MESP2: variants seen among roughly 807,000 people sequenced by gnomAD.
MESP2 encodes mesoderm posterior bHLH transcription factor 2.
MESP2 carries 34 observed loss-of-function variants against 37.8 expected under a neutral mutation model. That is an observed-to-expected ratio of 0.90 (90% confidence interval 0.68 to 1.20). The LOEUF (loss-of-function observed/expected upper bound fraction) is 1.20. Ranked by LOEUF, MESP2 falls within the 50% of genes most tolerant of loss-of-function variation. MESP2 has a pLI of 0.00. For synonymous variants in MESP2, 303 were observed against 251.6 expected, an observed-to-expected ratio of 1.20 and a Z score of -1.93; for missense variants, 646 against 545.3, an observed-to-expected ratio of 1.18 and a Z score of -1.84.
rs1482818795 is a variant in MESP2 at position 89,777,176 on chromosome 15, G to A, written c.819G>A (p.Thr273=). The A allele has an allele frequency of 6.2e-7, 1 of 1,612,824 alleles. No homozygotes were observed. The highest frequency in any genetic ancestry group is 1.7e-5 in the Admixed American group (1 of 59,990). The change falls in exon 1 of 2, where the codon ACG becomes ACA. Residue 273 remains threonine, a synonymous_variant. Coordinates refer to ENST00000341735, the MANE Select transcript of MESP2 (RefSeq NM_001039958.2). ...CAACCTCCGACGCGTCTCTTTGGAC[G>A]CCACCCCAAGGCTGTCCCTGGACGC... is the stretch of plus-strand genomic sequence containing the variant. The part of the protein sequence containing the change: ...QGTTSDASLW[T]PPQGCPWTQS...
rs1968400707 is a variant in MESP2 at position 89,778,576 on chromosome 15, G to A, written c.*242G>A. On this transcript the variant is annotated 3_prime_UTR_variant, in exon 2 of 2. Coordinates refer to ENST00000341735, the MANE Select transcript of MESP2 (RefSeq NM_001039958.2). ...AATGCCTGGCGCTCTGCAGAGCACA[G>A]TCTGAGCTGCTCTAAGAAGGGGTCT... is the stretch of plus-strand genomic sequence containing the variant. 1.7e-6 allele frequency: 1 copy of A among 576,220 alleles called. No individual in the cohort carries two copies. Among genetic ancestry groups the A allele is most frequent in the South Asian group, 2.0e-5 (1 of 49,750 alleles). 35.7% of individuals were successfully genotyped at this position (576,220 alleles called of 1,614,324 possible).
At position 89,777,068 on chromosome 15, in the gene MESP2, G is replaced by A. The variant is rs1160233332; in HGVS notation, c.711G>A (p.Gly237=). The A allele has an allele frequency of 6.2e-7, 1 of 1,610,772 alleles. No homozygotes were observed. The highest frequency in any genetic ancestry group is 8.5e-7 in the Non-Finnish European group (1 of 1,179,292). The change falls in exon 1 of 2, where the codon GGG becomes GGA. Residue 237 remains glycine, a synonymous_variant. Transcript: ENST00000341735. ...PGAQAAPERL[G]RGVHDTDPWA... is the part of the protein sequence containing the mutation. ...CCCAAGCCGCACCCGAGCGCCTGGG[G>A]AGGGGGGTCCACGACACGGATCCCT...
In MESP2 at chr15:89,777,004, C is replaced by G; in HGVS notation, c.647C>G (p.Ala216Gly). ...CCGGGCCTGGTCTCCGCCGTCCTCG[C>G]CGAGGCGTCCTGGGGATCCCCGTCC... ...RRPGLVSAVL[A>G]EASWGSPSAC... is the part of the protein sequence containing the mutation. The change falls in exon 1 of 2, where the codon GCC (alanine) becomes GGC (glycine). Residue 216 changes from alanine to glycine, a missense_variant. Transcript: ENST00000341735. 1 of 1,576,150 alleles carries G rather than the reference C, an allele frequency of 6.3e-7. No homozygotes were observed. Among genetic ancestry groups the G allele is most frequent in the African/African-American group, 1.4e-5 (1 of 73,782 alleles).
Position 89,778,326 on chromosome 15 carries a change from T to C in MESP2, c.1186T>C (p.Phe396Leu). The change falls in exon 2 of 2, where the codon TTC (phenylalanine) becomes CTC (leucine). Residue 396 changes from phenylalanine (F) to leucine (L), a missense_variant. Phe to Leu is a conservative substitution (Grantham distance 22). Transcript: ENST00000341735. ...EDLEGARLGI[F>L]Y ...TCTGGAGGGGGCCCGCCTGGGCATC[T>C]TCTACTAAATGGCCTCGGCTTCCCT... 6.2e-7 allele frequency: 1 copy of C among 1,613,148 alleles called. No individual in the cohort carries two copies.
Position 89,776,598 on chromosome 15 carries a change from G to A in MESP2, c.241G>A (p.Gly81Arg), listed in dbSNP as rs118204034. ...ACGAGCGCGCACCGGACCAGCGGGC[G>A]GACAGCGGCAGAGCGCCAGCGAGCG... ...PRRARTGPAGGQRQSASEREK... is the reference protein window; with the variant it reads ...PRRARTGPAGRQRQSASEREK... Residue 81 changes from glycine to arginine, a missense_variant, in exon 1 of 2, where the codon GGA becomes AGA. Physicochemically the swap from Gly to Arg is moderately radical, Grantham distance 125 (BLOSUM62 -2). Transcript: ENST00000341735. 5 of 1,524,400 alleles carry A rather than the reference G, an allele frequency of 3.3e-6. No individual in the cohort carries two copies. The highest frequency in any genetic ancestry group is 2.6e-5 in the East Asian group (1 of 38,920). The allele number at this position is 1,524,400 out of a possible 1,614,324, so 94.4% of individuals were successfully genotyped here.
At position 89,778,407 on chromosome 15, in the gene MESP2, T is replaced by A; in HGVS notation, c.*73T>A. On this transcript the variant is annotated 3_prime_UTR_variant, in exon 2 of 2. Coordinates refer to ENST00000341735, the MANE Select transcript of MESP2 (RefSeq NM_001039958.2). ...GGGTGCCTCCTTATTTGTTAATTAG[T>A]GGCTTTTCATGTTCTCCTTTAGCCA... The A allele has an allele frequency of 6.4e-7, 1 of 1,563,118 alleles. No individual in the cohort carries two copies. Among genetic ancestry groups the A allele is most frequent in the South Asian group, 1.1e-5 (1 of 88,694 alleles).
Position 89,776,586 on chromosome 15 carries a change from G to C in MESP2, c.229G>C (p.Gly77Arg). The change falls in exon 1 of 2, where the codon GGA becomes CGA. Residue 77 changes from glycine (G) to arginine (R), a missense_variant. By Grantham distance (125) the Gly-to-Arg change is moderately radical (BLOSUM62 -2). Transcript: ENST00000341735. ...AATTPRRART[G>R]PAGGQRQSAS... ...GACGACGCCCAGACGAGCGCGCACC[G>C]GACCAGCGGGCGGACAGCGGCAGAG... is the stretch of plus-strand genomic sequence containing the variant. The C allele has an allele frequency of 1.3e-6, 2 of 1,527,634 alleles. No individual in the cohort carries two copies. The highest frequency in any genetic ancestry group is 1.7e-6 in the Non-Finnish European group (2 of 1,143,726). The allele number at this position is 1,527,634 out of a possible 1,614,324, so 94.6% of individuals were successfully genotyped here.
In MESP2 at chr15:89,776,742, A is replaced by C; in HGVS notation, c.385A>C (p.Ile129Leu). 1 of 1,550,064 alleles carries C rather than the reference A, an allele frequency of 6.5e-7. No individual in the cohort carries two copies. The highest frequency in any genetic ancestry group is 1.2e-5 in the South Asian group (1 of 82,848). ...LTKIETLRLA[I>L]RYIGHLSAVL... ...CAAGATCGAGACGCTGCGCCTGGCC[A>C]TCCGCTACATCGGCCACCTATCGGC... Residue 129 changes from isoleucine (I) to leucine (L), a missense_variant, in exon 1 of 2, where the codon ATC (isoleucine) becomes CTC (leucine). Coordinates refer to ENST00000341735, the MANE Select transcript of MESP2 (RefSeq NM_001039958.2).
In MESP2 at chr15:89,776,856, G is replaced by A; in HGVS notation, c.499G>A (p.Asp167Asn). The A allele has an allele frequency of 6.9e-7, 1 of 1,459,692 alleles. No individual in the cohort carries two copies. Among genetic ancestry groups the A allele is most frequent in the South Asian group, 1.4e-5 (1 of 69,672 alleles). The allele number at this position is 1,459,692 out of a possible 1,614,324, so 90.4% of individuals were successfully genotyped here. The change falls in exon 1 of 2, where the codon GAC becomes AAC. Residue 167 changes from aspartate to asparagine, a missense_variant. By Grantham distance (23) the Asp-to-Asn change is conservative (BLOSUM62 1). Transcript: ENST00000341735. ...GSPWGCPLCP[D>N]RGPAEAQTQA... ...CCCTTGGGGCTGCCCGCTGTGCCCC[G>A]ACCGTGGCCCCGCAGAGGCGCAGAC...
In MESP2 at chr15:89,778,149, C is replaced by T. The variant is rs2141777006; in HGVS notation, c.1009C>T (p.Gln337Ter). The change falls in exon 2 of 2, where the codon CAG becomes TAG. Residue 337 changes from glutamine to a stop codon, truncating the protein, a stop_gained. Transcript: ENST00000341735. LOFTEE classifies it high-confidence loss of function. ...CCCATCATGCCAGAGACTGCAGCCT[C>T]AGACCCCCGGGAGGTGCTGGAGCCA... ...PHPSCQRLQP[Q>*]TPGRCWSHSA... The T allele has an allele frequency of 1.2e-6, 2 of 1,613,836 alleles. No individual in the cohort carries two copies. The highest frequency in any genetic ancestry group is 8.5e-7 in the Non-Finnish European group (1 of 1,180,024).
rs1420510604 is a variant in MESP2 at position 89,778,073 on chromosome 15, T to C, written c.933T>C (p.Ser311=). 1 of 1,613,278 alleles carries C rather than the reference T, an allele frequency of 6.2e-7. No homozygotes were observed. Among genetic ancestry groups the C allele is most frequent in the Non-Finnish European group, 8.5e-7 (1 of 1,180,022 alleles). ...TCTCATCTCTCTTGCAGGGTCTCTC[T>C]GTGTCTCCAGAGCCCTGTCTGTCGC... ...LELAAVYQGL[S]VSPEPCLSLG... Residue 311 remains serine, a synonymous_variant, in exon 2 of 2, where the codon TCT becomes TCC. Coordinates refer to ENST00000341735, the MANE Select transcript of MESP2 (RefSeq NM_001039958.2).
Position 89,778,364 on chromosome 15 carries a change from G to GA in MESP2, c.*32dup, listed in dbSNP as rs1229098954. ...CCTCGGCTTCCCTCTTTCCATCCAGGAATCAGTCCTGTAGCTTGGGTGCCT... is the reference window on the plus strand; with the variant it reads ...CCTCGGCTTCCCTCTTTCCATCCAGGAAATCAGTCCTGTAGCTTGGGTGCCT... On this transcript the variant is annotated 3_prime_UTR_variant, in exon 2 of 2. Coordinates refer to ENST00000341735, the MANE Select transcript of MESP2 (RefSeq NM_001039958.2). 1 of 1,612,820 alleles carries GA rather than the reference G, an allele frequency of 6.2e-7. No homozygotes were observed. The highest frequency in any genetic ancestry group is 8.5e-7 in the Non-Finnish European group (1 of 1,179,926).
chr15:89,778,174 A>G lies in MESP2; in HGVS notation c.1034A>G (p.His345Arg). The G allele has an allele frequency of 6.2e-7, 1 of 1,613,758 alleles. No homozygotes were observed. Among genetic ancestry groups the G allele is most frequent in the Non-Finnish European group, 8.5e-7 (1 of 1,180,020 alleles). Residue 345 changes from histidine to arginine, a missense_variant, in exon 2 of 2, where the codon CAC (histidine) becomes CGC (arginine). Transcript: ENST00000341735. ...CAGACCCCCGGGAGGTGCTGGAGCC[A>G]CAGTGCAGAGGTGGTGCCCAACTCA... ...QPQTPGRCWS[H>R]SAEVVPNSED...
chr15:89,776,691 T>C lies in MESP2; in HGVS notation c.334T>C (p.Leu112=). 3.2e-6 allele frequency: 5 copies of C among 1,557,512 alleles called. No individual in the cohort carries two copies. The highest frequency in any genetic ancestry group is 4.3e-6 in the Non-Finnish European group (5 of 1,158,346). Residue 112 remains leucine, a synonymous_variant, in exon 1 of 2, where the codon TTG becomes CTG. Coordinates refer to ENST00000341735, the MANE Select transcript of MESP2 (RefSeq NM_001039958.2). ...HELRRFLPPS[L]APAGQSLTKI... ...GTTGCGCCGCTTTCTGCCTCCCTCC[T>C]TGGCGCCGGCCGGCCAGAGCCTGAC...
At chr15:89,777,949 CA>C in intron 1 of MESP2, 115 bp from the exon 2 acceptor site, 1 of 1,468,544 alleles carries the variant, frequency 6.8e-7, no homozygotes, top group South Asian at 1.2e-5. Context: ...TTGCTGCATT[CA>C]TGGCACCAGG....
chr15:89,777,918 A>C, intron 1 of MESP2, 147 bp from the exon 2 acceptor site: 1 of 1,053,222 alleles, frequency 9.5e-7, no homozygotes, highest in East Asian at 2.5e-5. Context: ...CTCCCGAGCC[A>C]GTCCTCTTAA....
Position 89,777,291 on chromosome 15 carries a change from G to T in MESP2, c.924+10G>T. 6.2e-7 allele frequency: 1 copy of T among 1,608,480 alleles called. No homozygotes were observed. Among genetic ancestry groups the T allele is most frequent in the Non-Finnish European group, 8.5e-7 (1 of 1,178,212 alleles). On this transcript the variant is annotated intron_variant, in intron 1 of 1. Transcript: ENST00000341735. ...GGCCGCAGTGTACCAGGTATGTGTG[G>T]AGGCCCTTGCTGTGTTCCCCAGCCT... is the stretch of plus-strand genomic sequence containing the variant.
rs1018363425 is a variant in MESP2, at chr15:89,778,328, C to G, written c.1188C>G (p.Phe396Leu). The G allele has an allele frequency of 1.9e-6, 3 of 1,613,176 alleles. No homozygotes were observed. The highest frequency in any genetic ancestry group is 2.5e-6 in the Non-Finnish European group (3 of 1,180,046). The change falls in exon 2 of 2, where the codon TTC becomes TTG. Residue 396 changes from phenylalanine (F) to leucine (L), a missense_variant. Transcript: ENST00000341735. The part of the protein sequence containing the change: ...EDLEGARLGI[F>L]Y ...TGGAGGGGGCCCGCCTGGGCATCTT[C>G]TACTAAATGGCCTCGGCTTCCCTCT...
In MESP2 at chr15:89,776,971, GGC is replaced by G. The variant is rs1329820864; in HGVS notation, c.617_618del (p.Arg206GlnfsTer160). The G allele has an allele frequency of 1.3e-6, 2 of 1,552,546 alleles. No individual in the cohort carries two copies. Among genetic ancestry groups the G allele is most frequent in the Non-Finnish European group, 8.7e-7 (1 of 1,149,110 alleles). ...GGGCAAGGACAGGGGCAAGGGCAGG[GGC>G]GCAGGCCGGGCCTGGTCTCCGCCGT... On this transcript the variant is annotated frameshift_variant, in exon 1 of 2. Transcript: ENST00000341735. LOFTEE classifies it high-confidence loss of function.
Sources: allele counts gnomAD v4.1 joint callset, GRCh38; gene constraint gnomAD v4.1.1; transcripts MANE v1.5; gene names NCBI Gene and HGNC (gene_info 2026-07-23, HGNC 2026-07-21).